Variants in KIAA0408 observed in about 807,000 individuals in gnomAD.
The protein encoded by KIAA0408 is uncharacterized protein KIAA0408.
A neutral mutation model predicts 60.9 loss-of-function variants in KIAA0408; 51 were observed. The observed-to-expected ratio is 0.84, with a 90% CI of 0.67 to 1.06. KIAA0408 has a LOEUF of 1.06. Among genes scored for constraint, KIAA0408 ranks in the 50% least tolerant of loss-of-function variants. The pLI, the probability that KIAA0408 is intolerant of heterozygous loss-of-function variation, is 0.00. For synonymous variants in KIAA0408, 304 were observed against 282.4 expected (o/e 1.08, Z -0.77); for missense variants, 787 against 833.9 (o/e 0.94, Z 0.69).
At position 127,439,314 on chromosome 6, in the gene KIAA0408, G is replaced by C. The variant is rs1054698001; in HGVS notation, c.*4795C>G. 1 of 152,130 alleles carries C rather than the reference G, an allele frequency of 6.6e-6. No individual in the cohort carries two copies. The highest frequency in any genetic ancestry group is 2.4e-5 in the African/African-American group (1 of 41,418). The allele number at this position is 152,130 out of a possible 1,614,324, so 9.4% of individuals were successfully genotyped here. A position where few individuals can be genotyped will look rare whatever the true frequency, so the allele number is the denominator to read the frequency against. On this transcript the variant is annotated 3_prime_UTR_variant, in exon 6 of 6. Coordinates refer to ENST00000483725, the MANE Select transcript of KIAA0408 (RefSeq NM_014702.5). The stretch of plus-strand genomic sequence containing the variant: ...CTATTCTGATTCTTTTGAAGATTGA[G>C]GTCAGGATTCAGTTGACGCTAGAGA...
intron 2 of KIAA0408, among the ~76,000 whole-genome samples, 185 bp downstream of exon 2, chr6:127,453,662 A>T (rs1314794555): frequency 6.6e-6 from 1 of 152,126 alleles, no homozygotes; most frequent in Admixed American, 6.6e-5. Context: ...ATGCAATGAT[A>T]TAAAATAATC....
Position 127,446,810 on chromosome 6 carries a change from C to T in KIAA0408, c.1509G>A (p.Val503=). ...GATTATCAGGCACATTTTCCATGGG[C>T]ACAGGCATGTGGGCATTGGTTTTCC... ...GIWKTNAHMP[V]PMENVPDNPT... The change falls in exon 5 of 6, where the codon GTG becomes GTA. Residue 503 remains valine (V), a synonymous_variant. Coordinates refer to ENST00000483725, the MANE Select transcript of KIAA0408 (RefSeq NM_014702.5). The T allele has an allele frequency of 6.2e-7, 1 of 1,614,000 alleles. No homozygotes were observed. The highest frequency in any genetic ancestry group is 8.5e-7 in the Non-Finnish European group (1 of 1,179,972).
rs1162125386 is a variant in KIAA0408, at chr6:127,453,975, G to A, written c.7C>T (p.Leu3=). 1 of 1,611,668 alleles carries A rather than the reference G, an allele frequency of 6.2e-7. No individual in the cohort carries two copies. The highest frequency in any genetic ancestry group is 1.3e-5 in the African/African-American group (1 of 74,894). MD[L]HKQWENTETN... is the part of the protein sequence containing the mutation. ...TCTGTGTTCTCCCACTGCTTATGTA[G>A]GTCCATGGCAACAGTGTAAGTGTCA... is the stretch of plus-strand genomic sequence containing the variant. Residue 3 remains leucine, a synonymous_variant, in exon 2 of 6, where the codon CTA becomes TTA. Transcript: ENST00000483725.
rs561834562 is a variant in KIAA0408, at chr6:127,453,902, T to G, written c.80A>C (p.Asn27Thr). The stretch of plus-strand genomic sequence containing the variant: ...TTGACTTTCCCATTCCTTTCTTTCA[T>G]TGTCAAACTGGTCCAGTAATTCCAT... ...EKMELLDQFD[N>T]ERKEWESQWK... The change falls in exon 2 of 6, where the codon AAT (asparagine) becomes ACT (threonine). Residue 27 changes from asparagine (N) to threonine (T), a missense_variant. This residue lies in a region of KIAA0408 where 640 missense variants were observed against 681.3 expected (regional missense o/e 0.94). Coordinates refer to ENST00000483725, the MANE Select transcript of KIAA0408 (RefSeq NM_014702.5). 9 of 1,613,058 alleles carry G rather than the reference T, an allele frequency of 5.6e-6. No individual in the cohort carries two copies. The highest frequency in any genetic ancestry group is 7.6e-6 in the Non-Finnish European group (9 of 1,179,250).
chr6:127,455,162 G>A (rs564904785), intron 1 of KIAA0408, among the ~76,000 whole-genome samples: 1 of 152,108 alleles, frequency 6.6e-6, no homozygotes, highest in South Asian at 2.1e-4. Context: ...CCTTTTTAGG[G>A]GGTAGAAAAG....
At position 127,442,221 on chromosome 6, in the gene KIAA0408, C is replaced by T. The variant is rs1175451067; in HGVS notation, c.*1888G>A. ...AAGAGATCCTCAATATTCTAAGGAA[C>T]CACAGATCATACCAGACTACTTGGG... On this transcript the variant is annotated 3_prime_UTR_variant, in exon 6 of 6. Transcript: ENST00000483725. The T allele has an allele frequency of 6.6e-6, 1 of 152,196 alleles. No homozygotes were observed. The highest frequency in any genetic ancestry group is 2.4e-5 in the African/African-American group (1 of 41,446). 9.4% of individuals were successfully genotyped at this position (152,196 alleles called of 1,614,324 possible).
In KIAA0408 at chr6:127,445,751, TAGAC is replaced by T. The variant is rs1192119168; in HGVS notation, c.1911+653_1911+656del. On this transcript the variant is annotated intron_variant, in intron 5 of 5. Coordinates refer to ENST00000483725, the MANE Select transcript of KIAA0408 (RefSeq NM_014702.5). Reference sequence around the variant, plus strand: ...AATGAAGATTAAACTCTTTCATAAATAGACAGGAACAAAAAAAGATAACAGTTTA... The same window carrying T: ...AATGAAGATTAAACTCTTTCATAAATAGGAACAAAAAAAGATAACAGTTTA... Among the ~76,000 whole-genome samples the T allele has an allele frequency of 1.3e-4, 20 of 152,256 alleles. No individual in the cohort carries two copies. In the South Asian group the frequency reaches 1.7e-3, roughly 13 times the overall value.
Position 127,447,564 on chromosome 6 carries a change from C to T in KIAA0408, c.755G>A (p.Cys252Tyr), listed in dbSNP as rs1486162489. ...NVLQSNSTKK[C>Y]GIDTIDLKRN... is the part of the protein sequence containing the mutation. ...TTTTAAATCGATTGTATCAATTCCA[C>T]ATTTTTTCGTAGAATTGCTCTGGAG... Residue 252 changes from cysteine to tyrosine, a missense_variant, in exon 5 of 6, where the codon TGT becomes TAT. Around this residue, in one of 3 missense-constraint regions of KIAA0408, gnomAD observed 640 missense variants for 681.3 expected, o/e 0.94. Coordinates refer to ENST00000483725, the MANE Select transcript of KIAA0408 (RefSeq NM_014702.5). The T allele has an allele frequency of 1.9e-6, 3 of 1,611,096 alleles. No homozygotes were observed. Among genetic ancestry groups the T allele is most frequent in the East Asian group, 2.2e-5 (1 of 44,852 alleles).
At chr6:127,455,913 A>G (rs1773384066) in intron 1 of KIAA0408, among the ~76,000 whole-genome samples, 2 of 152,312 alleles carry the variant, frequency 1.3e-5, no homozygotes, top group South Asian at 4.1e-4. Flanking sequence ...TAAAGAACAT[A>G]CAGAGTTTTG....
intron 1 of KIAA0408, among the ~76,000 whole-genome samples, chr6:127,457,018 C>A (rs1773407810): frequency 6.6e-6 from 1 of 151,948 alleles, no homozygotes; most frequent in Non-Finnish European, 1.5e-5. Context: ...GGAAAAAAAA[C>A]AGATTATTTT....
chr6:127,458,143 G>A (rs1013164753), intron 1 of KIAA0408, among the ~76,000 whole-genome samples: 4 of 152,132 alleles, frequency 2.6e-5, no homozygotes, highest in African/African-American at 9.7e-5. Context: ...GCTTAACTTT[G>A]ATGGATTAGG....
intron 5 of KIAA0408, among the ~76,000 whole-genome samples, chr6:127,444,984 CAA>C (rs1440916210): frequency 6.6e-6 from 1 of 151,988 alleles, no homozygotes; most frequent in Non-Finnish European, 1.5e-5. Context: ...AAAATTAAAA[CAA>C]AAGTACAAAG....
At chr6:127,444,963 C>A (rs1157202569) in intron 5 of KIAA0408, among the ~76,000 whole-genome samples, 2 of 152,100 alleles carry the variant, frequency 1.3e-5, no homozygotes, top group Middle Eastern at 3.4e-3. Flanking sequence ...AAAAAGCATT[C>A]CTTGGTCCTT....
Position 127,442,150 on chromosome 6 carries a change from A to T in KIAA0408, c.*1959T>A, listed in dbSNP as rs760679035. ...GGAGTCCCAGTCCCTACCCCTGGAAATTTTGCTTTAGTAATATGGGGTGAG... is the reference window on the plus strand; with the variant it reads ...GGAGTCCCAGTCCCTACCCCTGGAATTTTTGCTTTAGTAATATGGGGTGAG... On this transcript the variant is annotated 3_prime_UTR_variant, in exon 6 of 6. Coordinates refer to ENST00000483725, the MANE Select transcript of KIAA0408 (RefSeq NM_014702.5). 1.3e-5 allele frequency: 2 copies of T among 152,106 alleles called. No individual in the cohort carries two copies. The highest frequency in any genetic ancestry group is 2.9e-5 in the Non-Finnish European group (2 of 68,024). 9.4% of individuals were successfully genotyped at this position (152,106 alleles called of 1,614,324 possible).
rs1348068244 is a variant in KIAA0408, at chr6:127,447,435, T to C, written c.884A>G (p.His295Arg). 1.9e-6 allele frequency: 3 copies of C among 1,613,924 alleles called. No individual in the cohort carries two copies. The highest frequency in any genetic ancestry group is 2.5e-6 in the Non-Finnish European group (3 of 1,179,936). Residue 295 changes from histidine to arginine, a missense_variant, in exon 5 of 6, where the codon CAC becomes CGC. By Grantham distance (29) the His-to-Arg change is conservative. This residue lies in a region of KIAA0408 where 640 missense variants were observed against 681.3 expected (regional missense o/e 0.94). Transcript: ENST00000483725. ...AYERWKERLD[H>R]NSWVPHEGRS... ...ACCCTCATGGGGCACCCAGCTGTTG[T>C]GGTCTAACCTTTCCTTCCATCTTTC...
chr6:127,449,013 T>G (rs987653643), intron 4 of KIAA0408, among the ~76,000 whole-genome samples: 1 of 152,236 alleles, frequency 6.6e-6, no homozygotes, highest in East Asian at 1.9e-4. Context: ...ATTTACAATA[T>G]GTTGTTCTGA....
chr6:127,454,059 G>A lies in KIAA0408; in HGVS notation c.-78C>T. 1 of 1,494,510 alleles carries A rather than the reference G, an allele frequency of 6.7e-7. No individual in the cohort carries two copies. Among genetic ancestry groups the A allele is most frequent in the South Asian group, 1.5e-5 (1 of 67,344 alleles). 92.6% of individuals were successfully genotyped at this position (1,494,510 alleles called of 1,614,324 possible). On this transcript the variant is annotated 5_prime_UTR_variant, in exon 2 of 6. Transcript: ENST00000483725. ...CTTAACTGTTTCTTGGAAGCTTGAA[G>A]TTGTTTTATTTGAAGCAGTCTCACT...
chr6:127,444,096 C>G lies in KIAA0408; in HGVS notation c.*13G>C. The G allele has an allele frequency of 6.2e-7, 1 of 1,613,220 alleles. No homozygotes were observed. The highest frequency in any genetic ancestry group is 1.1e-5 in the South Asian group (1 of 91,026). ...ACTAGAACTTCTGTAATATAGCAAT[C>G]CAGGCCAAAGACTTAAACCATCAAT... On this transcript the variant is annotated 3_prime_UTR_variant, in exon 6 of 6. Transcript: ENST00000483725.
At chr6:127,458,487 A>G (rs1773433276) in intron 1 of KIAA0408, among the ~76,000 whole-genome samples, 1 of 152,154 alleles carries the variant, frequency 6.6e-6, no homozygotes, top group South Asian at 2.1e-4. Context: ...CTTTACAGTT[A>G]TTTACTCAAA....
Sources: gnomAD v4.1 joint callset for allele counts (sites outside exome capture counted in the v4.1 genomes callset) on GRCh38, gnomAD v4.1.1 for gene constraint, gnomAD v4.1.1 regional missense constraint, MANE v1.5 for transcripts, NCBI Gene and HGNC (gene_info 2026-07-23, HGNC 2026-07-21) for gene names.